Variants in EPB41L3 observed in about 807,000 individuals in gnomAD.
EPB41L3 encodes the protein band 4.1-like protein 3.
In EPB41L3, 57 loss-of-function variants were observed where a neutral mutation model predicts 127.1. The ratio of observed to expected loss-of-function variants is 0.45; its 90% CI spans 0.36 to 0.56. EPB41L3 has a LOEUF of 0.56. Among genes scored for constraint, EPB41L3 ranks in the 20% least tolerant of loss-of-function variants. The probability of loss-of-function intolerance (pLI) is 0.00; values close to 1 mark genes in which losing one functional copy is unlikely to be tolerated. For synonymous variants in EPB41L3, 572 were observed against 549.5 expected (o/e 1.04, Z -0.57); for missense variants, 1,273 against 1,372.2 (o/e 0.93, Z 1.14).
intron 11 of EPB41L3, among the ~76,000 whole-genome samples, chr18:5,422,041 C>T (rs974708255): frequency 2.0e-5 from 3 of 152,012 alleles, no homozygotes; most frequent in Non-Finnish European, 4.4e-5. Flanking sequence ...ACCTATGTAA[C>T]AAGAGTGCTT....
intron 6 of EPB41L3, among the ~76,000 whole-genome samples, chr18:5,436,938 G>A (rs530452645): frequency 6.6e-6 from 1 of 152,282 alleles, no homozygotes; most frequent in Admixed American, 6.5e-5. Flanking sequence ...GTTGTTTTGA[G>A]TAATTTCCCT....
rs944460293 is a variant in EPB41L3, at chr18:5,543,744, C to A, written c.-12+169G>T. The stretch of plus-strand genomic sequence containing the variant: ...GCGAGCGGGAGGGCGGTTGGGGACC[C>A]CGGCCGCGCCGGGCGCGGGGCTCGG... On this transcript the variant is annotated intron_variant, in intron 1 of 22. Transcript: ENST00000341928. The surrounding 1 kb of genome is among the most constrained non-coding windows in gnomAD (Gnocchi z 5.2). 6.8e-6 allele frequency among the ~76,000 whole-genome samples: 1 copy of A among 147,964 alleles called. No homozygotes were observed. The highest frequency in any genetic ancestry group is 6.7e-5 in the Admixed American group (1 of 14,934).
At chr18:5,615,021 G>A (rs990276434) in intron 1 of EPB41L3, among the ~76,000 whole-genome samples, 2 of 152,118 alleles carry the variant, frequency 1.3e-5, no homozygotes, top group Non-Finnish European at 1.5e-5. Context: ...ACACCTGCTA[G>A]AACATAGCTA....
At chr18:5,607,408 T>C (rs1323462434) in intron 3 of EPB41L3, among the ~76,000 whole-genome samples, 1 of 152,188 alleles carries the variant, frequency 6.6e-6, no homozygotes, top group Non-Finnish European at 1.5e-5. Context: ...ACAGTCGAGT[T>C]CCTTGAAAGA....
intron 2 of EPB41L3, among the ~76,000 whole-genome samples, chr18:5,487,800 A>AC (rs1016564358): frequency 5.9e-5 from 9 of 152,248 alleles, no homozygotes; most frequent in African/African-American, 2.2e-4. Context: ...GAAAAAAAAA[A>AC]AAGGCAAACC....
At chr18:5,489,603 T>C (rs147522429) in intron 1 of EPB41L3, among the ~76,000 whole-genome samples, 1 of 152,246 alleles carries the variant, frequency 6.6e-6, no homozygotes, top group African/African-American at 2.4e-5. Context: ...ACATTCTTTC[T>C]CATTTCCCTC....
intron 14 of EPB41L3, among the ~76,000 whole-genome samples, chr18:5,409,618 A>G (rs1002032108): frequency 1.3e-5 from 2 of 152,126 alleles, no homozygotes; most frequent in Admixed American, 6.5e-5. Context: ...TTTTCTGAAG[A>G]TATTTTCAAT....
At chr18:5,426,447 C>G (rs2078196175) in intron 9 of EPB41L3, among the ~76,000 whole-genome samples, 1 of 152,196 alleles carries the variant, frequency 6.6e-6, no homozygotes, top group African/African-American at 2.4e-5. Flanking sequence ...CTCTCTCTTG[C>G]ATTTGTTCCC....
At position 5,617,122 on chromosome 18, in the gene EPB41L3, C is replaced by T. The variant is rs76123177; in HGVS notation, c.-467-2699G>A. ...TTGGTATTTTCATAAAATTCTCTTT[C>T]ACCATTCATCATTATCACACTTTAT... On this transcript the variant is annotated intron_variant, in intron 1 of 21. Transcript: ENST00000545076. Among the ~76,000 whole-genome samples, 967 of 152,194 alleles carry T rather than the reference C, an allele frequency of 6.4e-3. 8 individuals carry two copies. Among genetic ancestry groups the T allele is most frequent in the East Asian group, 0.02 (105 of 5,190 alleles).
chr18:5,438,132 A>T (rs2080135119), intron 5 of EPB41L3, 22 bp from the exon 6 acceptor site: 1 of 1,609,740 alleles, frequency 6.2e-7, no homozygotes, highest in Non-Finnish European at 8.5e-7. Context: ...GAAAAAAATT[A>T]GAGTAAAACC....
rs538074737 is a variant in EPB41L3, at chr18:5,530,460, T to A, written c.-12+13453A>T. Among the ~76,000 whole-genome samples, 5 of 152,162 alleles carry A rather than the reference T, an allele frequency of 3.3e-5. No individual in the cohort carries two copies. The South Asian group carries it at 1.0e-3, about 32-fold the overall frequency. The stretch of plus-strand genomic sequence containing the variant: ...CATCTGACCACGTCTTCCAACAAGG[T>A]AACACCCCTCACTGGCTCTGCCTCA... On this transcript the variant is annotated intron_variant, in intron 1 of 22. Coordinates refer to ENST00000341928, the MANE Select transcript of EPB41L3 (RefSeq NM_012307.5).
chr18:5,543,873 C>A lies in EPB41L3; in HGVS notation c.-12+40G>T. ...TCCTCCGCACCTCGTAAAGCCGAGA[C>A]CCCCTCGCAGTCCCCCACTCCGAGA... On this transcript the variant is annotated intron_variant, in intron 1 of 22. Coordinates refer to ENST00000341928, the MANE Select transcript of EPB41L3 (RefSeq NM_012307.5). This position sits in a 1 kb window ranked among gnomAD's most constrained non-coding sequence, Gnocchi z 5.2. 1.0e-6 allele frequency: 1 copy of A among 985,188 alleles called. No individual in the cohort carries two copies. Among genetic ancestry groups the A allele is most frequent in the African/African-American group, 1.7e-5 (1 of 57,202 alleles). 61.0% of individuals were successfully genotyped at this position (985,188 alleles called of 1,614,324 possible). A position where few individuals can be genotyped will look rare whatever the true frequency, so the allele number is the denominator to read the frequency against.
At chr18:5,604,233 C>G (rs901106325) in intron 3 of EPB41L3, among the ~76,000 whole-genome samples, 4 of 151,352 alleles carry the variant, frequency 2.6e-5, no homozygotes, top group African/African-American at 9.7e-5. Context: ...GGCTTGAAAT[C>G]TCCTTGGTAT....
chr18:5,520,121 C>A (rs1413224350), intron 1 of EPB41L3, among the ~76,000 whole-genome samples: 1 of 151,964 alleles, frequency 6.6e-6, no homozygotes, highest in Non-Finnish European at 1.5e-5. Flanking sequence ...TGAGAGATGC[C>A]CCAAAAAGAA....
At chr18:5,488,538 A>C (rs1483069707) in intron 2 of EPB41L3, among the ~76,000 whole-genome samples, 2 of 151,794 alleles carry the variant, frequency 1.3e-5, no homozygotes, top group African/African-American at 4.8e-5. Context: ...CGTTCTGCAC[A>C]TGTGTCCCAG....
At chr18:5,620,379 G>A (rs2094846965) in intron 1 of EPB41L3, among the ~76,000 whole-genome samples, 1 of 152,098 alleles carries the variant, frequency 6.6e-6, no homozygotes, top group African/African-American at 2.4e-5. Flanking sequence ...AACCTGAAAG[G>A]AAAGAGTATA....
At chr18:5,590,928 G>A (rs377198213) in intron 3 of EPB41L3, among the ~76,000 whole-genome samples, 24 of 152,262 alleles carry the variant, frequency 1.6e-4, no homozygotes, top group South Asian at 8.3e-4. Flanking sequence ...GTATGACTAC[G>A]AAGGGGTAGC....
chr18:5,423,902 C>G (rs190734397), intron 10 of EPB41L3, among the ~76,000 whole-genome samples: 138 of 152,128 alleles, frequency 9.1e-4, no homozygotes, highest in Middle Eastern at 3.4e-3. Context: ...TTTGATGGGT[C>G]TCGTACCATG....
In EPB41L3 at chr18:5,397,316, C is replaced by T. The variant is rs151082224; in HGVS notation, c.2583G>A (p.Arg861=). ...VVQETVLVEE[R]RVVHASGDAS... Reference sequence around the variant, plus strand: ...CATCCCCACTCGCGTGCACCACACGCCGCTCCTCCACCAACACGGTCTCCT... The same window carrying T: ...CATCCCCACTCGCGTGCACCACACGTCGCTCCTCCACCAACACGGTCTCCT... The change falls in exon 18 of 23, where the codon CGG becomes CGA. Residue 861 remains arginine (R), a synonymous_variant. Transcript: ENST00000341928. The surrounding 1 kb of genome is among the most constrained non-coding windows in gnomAD (Gnocchi z 4.1). The T allele has an allele frequency of 2.9e-4, 476 of 1,613,952 alleles. 1 individual carries two copies. Among genetic ancestry groups the T allele is most frequent in the Non-Finnish European group, 6.6e-5 (78 of 1,180,050 alleles).
Sources: allele counts gnomAD v4.1 joint callset (sites outside exome capture counted in the v4.1 genomes callset), GRCh38; gene constraint gnomAD v4.1.1; non-coding constraint Gnocchi (gnomAD v3.1); transcripts MANE v1.5; gene names NCBI Gene and HGNC (gene_info 2026-07-23, HGNC 2026-07-21).